ADARB2: variants seen among roughly 807,000 people sequenced by gnomAD.
ADARB2 encodes the protein inactive double-stranded RNA-specific editase B2.
A neutral mutation model predicts 62.2 loss-of-function variants in ADARB2; 25 were observed. The observed-to-expected ratio is 0.40, with a 90% CI of 0.29 to 0.56. The LOEUF (loss-of-function observed/expected upper bound fraction) is 0.56, where lower values mean the gene tolerates loss of function less well. Among genes scored for constraint, ADARB2 ranks in the 20% least tolerant of loss-of-function variants. The probability of loss-of-function intolerance (pLI) is 0.43; values close to 1 mark genes in which losing one functional copy is unlikely to be tolerated. For missense variants in ADARB2, 1,071 were observed against 1,077.4 expected (o/e 0.99, Z 0.08); for synonymous variants, 572 against 500.8 (o/e 1.14, Z -1.90).
chr10:1,266,598 T>C (rs1831206367), intron 4 of ADARB2, among the ~76,000 whole-genome samples: 1 of 151,786 alleles, frequency 6.6e-6, no homozygotes, highest in Admixed American at 6.6e-5. Flanking sequence ...GGCGGGAGCC[T>C]GTGGGAGAAG....
chr10:1,250,342 T>A (rs563876981), intron 4 of ADARB2, among the ~76,000 whole-genome samples: 1 of 151,884 alleles, frequency 6.6e-6, no homozygotes, highest in Admixed American at 6.6e-5. Flanking sequence ...GGTGTTTGGG[T>A]CATGGGGTGG....
intron 1 of ADARB2, among the ~76,000 whole-genome samples, chr10:1,403,526 C>A (rs1266402483): frequency 6.6e-6 from 1 of 152,142 alleles, no homozygotes; most frequent in Admixed American, 6.5e-5. Flanking sequence ...TTATTCATGC[C>A]AGAATGAACC....
At chr10:1,326,600 G>A (rs1352666606) in intron 3 of ADARB2, among the ~76,000 whole-genome samples, 1 of 152,154 alleles carries the variant, frequency 6.6e-6, no homozygotes, top group African/African-American at 2.4e-5. Flanking sequence ...TAAAAGCCGA[G>A]GAAGATGGAG....
intron 1 of ADARB2, among the ~76,000 whole-genome samples, chr10:1,710,931 A>C (rs1564201493): frequency 6.6e-6 from 1 of 152,182 alleles, no homozygotes; most frequent in Non-Finnish European, 1.5e-5. Flanking sequence ...GCAGGGTCAA[A>C]TGTAACCAAC....
intron 7 of ADARB2, 83 bp downstream of exon 7, chr10:1,216,868 A>G: frequency 1.3e-6 from 2 of 1,534,580 alleles, no homozygotes; most frequent in Non-Finnish European, 1.8e-6. Context: ...TGACCTCACC[A>G]GAAGTGGGAT....
intron 5 of ADARB2, among the ~76,000 whole-genome samples, chr10:1,239,425 T>C (rs1275802284): frequency 4.3e-3 from 3 of 692 alleles, no homozygotes; most frequent in Admixed American, 0.013. Context: ...TCCCGGTGTT[T>C]ACTCCCCTCT....
intron 1 of ADARB2, among the ~76,000 whole-genome samples, chr10:1,470,766 C>T (rs546109628): frequency 1.4e-3 from 220 of 152,298 alleles, no homozygotes; most frequent in Non-Finnish European, 2.2e-3. Context: ...TGGCCAGGGG[C>T]GGTGGCTCAC....
intron 1 of ADARB2, among the ~76,000 whole-genome samples, chr10:1,399,939 A>G (rs897390486): frequency 6.6e-6 from 1 of 152,228 alleles, no homozygotes; most frequent in African/African-American, 2.4e-5. Context: ...CACAGCCTGC[A>G]TCTGGCCTGT....
At chr10:1,234,218 G>T (rs971156926) in intron 5 of ADARB2, among the ~76,000 whole-genome samples, 1 of 151,836 alleles carries the variant, frequency 6.6e-6, no homozygotes, top group African/African-American at 2.4e-5. Context: ...TGAACTCCCA[G>T]CCTCAGGTGA....
At chr10:1,412,654 G>A (rs959543047) in intron 1 of ADARB2, among the ~76,000 whole-genome samples, 7 of 152,216 alleles carry the variant, frequency 4.6e-5, no homozygotes, top group South Asian at 2.1e-4. Context: ...GAAGGCTTCC[G>A]AGGGTAATGG....
chr10:1,347,761 C>T (rs1178289118), intron 3 of ADARB2, among the ~76,000 whole-genome samples: 1 of 152,074 alleles, frequency 6.6e-6, no homozygotes, highest in Non-Finnish European at 1.5e-5. Flanking sequence ...ACCCCACGTA[C>T]GCAGTGCACC....
At chr10:1,587,249 C>T (rs1833193102) in intron 1 of ADARB2, among the ~76,000 whole-genome samples, 1 of 152,168 alleles carries the variant, frequency 6.6e-6, no homozygotes, top group African/African-American at 2.4e-5. Flanking sequence ...ACAATGATTT[C>T]TGACATGAAG....
intron 1 of ADARB2, among the ~76,000 whole-genome samples, chr10:1,658,878 T>C (rs1834206689): frequency 6.6e-6 from 1 of 152,364 alleles, no homozygotes; most frequent in Admixed American, 6.5e-5. Context: ...GCAAAATCTC[T>C]GAATTTCCAC....
At chr10:1,595,598 CCT>C (rs1367568950) in intron 1 of ADARB2, among the ~76,000 whole-genome samples, 1 of 152,210 alleles carries the variant, frequency 6.6e-6, no homozygotes, top group Non-Finnish European at 1.5e-5. Flanking sequence ...GGGATTCTTC[CCT>C]GTCCTCCCAG....
At chr10:1,594,938 C>T (rs1420887110) in intron 1 of ADARB2, among the ~76,000 whole-genome samples, 1 of 152,210 alleles carries the variant, frequency 6.6e-6, no homozygotes, top group African/African-American at 2.4e-5. Flanking sequence ...GCTGAGCGCC[C>T]ACTGCCTCCC....
chr10:1,587,964 G>A (rs1215032845), intron 1 of ADARB2, among the ~76,000 whole-genome samples: 1 of 152,136 alleles, frequency 6.6e-6, no homozygotes, highest in African/African-American at 2.4e-5. Context: ...TCATGGAACT[G>A]TGAGTCCATT....
intron 1 of ADARB2, among the ~76,000 whole-genome samples, chr10:1,404,190 C>T (rs562290387): frequency 1.3e-5 from 2 of 152,130 alleles, no homozygotes; most frequent in East Asian, 1.9e-4. Flanking sequence ...TTAAAACAAG[C>T]GTTTTGGCTC....
chr10:1,510,110 C>CTCTTTCTTTCTTTCTTTCTA, intron 1 of ADARB2, among the ~76,000 whole-genome samples: 3 of 106,252 alleles, frequency 2.8e-5, no homozygotes, highest in East Asian at 5.6e-4. Flanking sequence ...CTTTCTTTCT[C>CTCTTTCTTTCTTTCTTTCTA]TCTTTCTTTC....
Position 1,737,259 on chromosome 10 carries a change from CG to C in ADARB2, c.-110del. The C allele has an allele frequency of 8.8e-7, 1 of 1,137,046 alleles. No individual in the cohort carries two copies. The highest frequency in any genetic ancestry group is 1.3e-6 in the Non-Finnish European group (1 of 777,470). 70.4% of individuals were successfully genotyped at this position (1,137,046 alleles called of 1,614,324 possible). On this transcript the variant is annotated 5_prime_UTR_variant, in exon 1 of 10. Coordinates refer to ENST00000381312, the MANE Select transcript of ADARB2 (RefSeq NM_018702.4). Reference sequence around the variant, plus strand: ...GCTGCGAAGCTTGAGGTTGCAAACCCGGGAGCGGCTCACTTTTCAGGACTGA... The same window carrying C: ...GCTGCGAAGCTTGAGGTTGCAAACCCGGAGCGGCTCACTTTTCAGGACTGA...
Sources: allele counts gnomAD v4.1 joint callset (sites outside exome capture counted in the v4.1 genomes callset), GRCh38; gene constraint gnomAD v4.1.1; transcripts MANE v1.5; gene names NCBI Gene and HGNC (gene_info 2026-07-23, HGNC 2026-07-21).